The following BANK1 variants were observed in gnomAD, a reference collection of about 807,000 sequenced individuals.
The protein encoded by BANK1 is B cell scaffold protein with ankyrin repeats 1.
Under a neutral mutation model 94.5 loss-of-function variants are expected in BANK1, and 95 were observed. The observed-to-expected ratio is 1.00, with a 90% CI of 0.85 to 1.19. The LOEUF (loss-of-function observed/expected upper bound fraction) is 1.19, where lower values mean the gene tolerates loss of function less well. Ranked by LOEUF, BANK1 falls within the 50% of genes most tolerant of loss-of-function variation. BANK1 has a pLI of 0.00. For synonymous variants in BANK1, 334 were observed against 308.4 expected, an observed-to-expected ratio of 1.08 and a Z score of -0.87; for missense variants, 987 against 932.2, an observed-to-expected ratio of 1.06 and a Z score of -0.77.
intron 13 of BANK1, among the ~76,000 whole-genome samples, chr4:102,066,060 A>G (rs1728580611): frequency 6.6e-6 from 1 of 152,186 alleles, no homozygotes; most frequent in South Asian, 2.1e-4. Flanking sequence ...CATATTGCTG[A>G]AAAAACTTTT....
intron 7 of BANK1, among the ~76,000 whole-genome samples, chr4:101,937,759 A>G (rs1723618180): frequency 6.6e-6 from 1 of 151,984 alleles, no homozygotes. Context: ...AGAGGATTAT[A>G]AATCATTCTA....
At chr4:101,979,610 ACTAT>A (rs1437373427) in intron 7 of BANK1, among the ~76,000 whole-genome samples, 1 of 151,872 alleles carries the variant, frequency 6.6e-6, no homozygotes, top group Non-Finnish European at 1.5e-5. Flanking sequence ...CAAAATCGTG[ACTAT>A]CTATGTCTAT....
chr4:102,017,470 T>G (rs1726744484), intron 7 of BANK1, among the ~76,000 whole-genome samples: 1 of 152,218 alleles, frequency 6.6e-6, no homozygotes, highest in Admixed American at 6.5e-5. Context: ...AGGGGTCCTA[T>G]GGGTCACCAC....
intron 7 of BANK1, among the ~76,000 whole-genome samples, chr4:101,930,419 A>G (rs193093645): frequency 1.8e-4 from 27 of 151,634 alleles, no homozygotes; most frequent in African/African-American, 6.0e-4. Flanking sequence ...CAGACAAGTC[A>G]CTGGTCTCAT....
intron 6 of BANK1, among the ~76,000 whole-genome samples, chr4:101,909,173 A>G (rs1213944355): frequency 6.6e-6 from 1 of 152,254 alleles, no homozygotes; most frequent in Non-Finnish European, 1.5e-5. Flanking sequence ...CTGGATTAAG[A>G]AAATGTGGCA....
intron 6 of BANK1, among the ~76,000 whole-genome samples, chr4:101,913,531 T>A (rs895185768): frequency 7.2e-5 from 11 of 152,334 alleles, no homozygotes; most frequent in African/African-American, 2.6e-4. Flanking sequence ...GTCTGTGGCC[T>A]TAAGCCCTGC....
chr4:101,992,037 G>A (rs994078197), intron 7 of BANK1, among the ~76,000 whole-genome samples: 8 of 152,102 alleles, frequency 5.3e-5, no homozygotes, highest in South Asian at 2.1e-4. Context: ...CCCATGTTAC[G>A]GAAACCCTTC....
chr4:102,005,133 A>T (rs1356072962), intron 7 of BANK1, among the ~76,000 whole-genome samples: 1 of 152,066 alleles, frequency 6.6e-6, no homozygotes, highest in East Asian at 1.9e-4. Context: ...GCTAAAATAG[A>T]TGTTCAATGG....
intron 7 of BANK1, among the ~76,000 whole-genome samples, chr4:101,964,475 G>GA (rs34198611): frequency 1.3e-4 from 19 of 151,588 alleles, no homozygotes; most frequent in Middle Eastern, 3.4e-3. Context: ...CCTACTTTGG[G>GA]AAAAAAAGTG....
rs75692379 is a variant in BANK1, at chr4:101,794,906, TA to T, written c.70+3957del. Among the ~76,000 whole-genome samples the T allele has an allele frequency of 5.2e-3, 791 of 152,288 alleles. 13 individuals are homozygous for T. The East Asian group carries it at 0.061, about 12-fold the overall frequency. On this transcript the variant is annotated intron_variant, in intron 1 of 16. Coordinates refer to ENST00000322953, the MANE Select transcript of BANK1 (RefSeq NM_017935.5). ...AATATGTTTTTATGTTTCATCATAC[TA>T]TGTGTCATATCTTTGTTTCTTCTAA... is the stretch of plus-strand genomic sequence containing the variant.
chr4:101,992,420 T>C (rs1246266149), intron 7 of BANK1, among the ~76,000 whole-genome samples: 1 of 152,188 alleles, frequency 6.6e-6, no homozygotes, highest in East Asian at 1.9e-4. Context: ...TATTTTTTTG[T>C]TCAGACAAAA....
At chr4:101,912,990 T>C (rs1722714822) in intron 6 of BANK1, among the ~76,000 whole-genome samples, 2 of 152,190 alleles carry the variant, frequency 1.3e-5, no homozygotes, top group Non-Finnish European at 2.9e-5. Context: ...GTGGCCCTGA[T>C]TTCTTGAATG....
chr4:101,937,863 G>A (rs1429834772), intron 7 of BANK1, among the ~76,000 whole-genome samples: 1 of 151,802 alleles, frequency 6.6e-6, no homozygotes, highest in Non-Finnish European at 1.5e-5. Flanking sequence ...TGATAGACTG[G>A]ATAAAAGAAA....
intron 2 of BANK1, among the ~76,000 whole-genome samples, chr4:101,843,791 A>G (rs1335234691): frequency 2.6e-5 from 4 of 152,022 alleles, no homozygotes. Flanking sequence ...GCGTGCTGGC[A>G]CGCACCTGTA....
At chr4:101,962,449 A>AC (rs1724604090) in intron 7 of BANK1, among the ~76,000 whole-genome samples, 1 of 152,030 alleles carries the variant, frequency 6.6e-6, no homozygotes, top group Admixed American at 6.6e-5. Flanking sequence ...TATGTAGATG[A>AC]CCCCAAATAT....
At chr4:101,842,718 G>C (rs1209619249) in intron 2 of BANK1, among the ~76,000 whole-genome samples, 1 of 152,184 alleles carries the variant, frequency 6.6e-6, no homozygotes, top group African/African-American at 2.4e-5. Flanking sequence ...AATCTGAGGT[G>C]ATAATATTGT....
chr4:101,823,384 G>A (rs149261655), intron 1 of BANK1, among the ~76,000 whole-genome samples: 1 of 152,046 alleles, frequency 6.6e-6, no homozygotes, highest in Admixed American at 6.5e-5. Flanking sequence ...CCTTATTATT[G>A]TGGTAATATT....
chr4:101,791,107 A>T (rs536172710), intron 1 of BANK1, among the ~76,000 whole-genome samples, 157 bp downstream of exon 1: 3 of 152,166 alleles, frequency 2.0e-5, no homozygotes, highest in African/African-American at 7.2e-5. Flanking sequence ...CAGGCAGCCC[A>T]GAGGGTTCTT....
At chr4:102,032,440 T>C (rs188111502) in intron 10 of BANK1, 1 of 152,264 alleles carries the variant, frequency 6.6e-6, no homozygotes, top group Non-Finnish European at 1.5e-5. Context: ...TTTTGCTTCA[T>C]TGTGTTTTGA....
Sources: allele counts gnomAD v4.1 joint callset (sites outside exome capture counted in the v4.1 genomes callset), GRCh38; gene constraint gnomAD v4.1.1; transcripts MANE v1.5; gene names NCBI Gene and HGNC (gene_info 2026-07-23, HGNC 2026-07-21).